Variants in TIMP2 observed in about 807,000 individuals in gnomAD.
The protein encoded by TIMP2 is metalloproteinase inhibitor 2.
TIMP2 carries 5 observed loss-of-function variants against 24.3 expected under a neutral mutation model. The observed-to-expected ratio is 0.21, with a 90% confidence interval of 0.11 to 0.43. The LOEUF (loss-of-function observed/expected upper bound fraction) is 0.43, where lower values mean the gene tolerates loss of function less well. TIMP2 is among the 20% of genes least tolerant of loss of function. The pLI, the probability that TIMP2 is intolerant of heterozygous loss-of-function variation, is 1.00. For missense variants in TIMP2, 221 were observed against 297.5 expected, an observed-to-expected ratio of 0.74 and a Z score of 1.89; for synonymous variants, 130 against 123.2, an observed-to-expected ratio of 1.06 and a Z score of -0.37.
At chr17:78,893,360 CAGGGGTGT>C (rs1320167124) in intron 1 of TIMP2, among the ~76,000 whole-genome samples, 155 of 105,156 alleles carry the variant, frequency 1.5e-3, no homozygotes, top group Middle Eastern at 8.6e-3. Flanking sequence ...GGTGTGTGTG[CAGGGGTGT>C]GTAGGAGTGT....
chr17:78,878,037 G>A (rs538373897), intron 1 of TIMP2, among the ~76,000 whole-genome samples: 3 of 152,194 alleles, frequency 2.0e-5, no homozygotes, highest in East Asian at 1.9e-4. Flanking sequence ...CCACTAAGCC[G>A]CACAATGCTT....
At chr17:78,908,418 T>A (rs2070179869) in intron 1 of TIMP2, among the ~76,000 whole-genome samples, 1 of 152,158 alleles carries the variant, frequency 6.6e-6, no homozygotes, top group African/African-American at 2.4e-5. Context: ...GCCTCTAAAC[T>A]ACTCAAATTA....
chr17:78,900,003 CTCTG>C (rs1281602431), intron 1 of TIMP2: 3 of 152,192 alleles, frequency 2.0e-5, no homozygotes, highest in Non-Finnish European at 2.9e-5. Flanking sequence ...TTAGACATTT[CTCTG>C]TCTAAGGCGC....
chr17:78,891,975 C>G lies in TIMP2; in HGVS notation c.131-18056G>C. 1 of 1,550,662 alleles carries G rather than the reference C, an allele frequency of 6.4e-7. No individual in the cohort carries two copies. The highest frequency in any genetic ancestry group is 8.7e-7 in the Non-Finnish European group (1 of 1,147,006). Reference sequence around the variant, plus strand: ...CCCAACTCTTCCCTGCAACTCCTCTCTTCACTAAGGGCTGCTCTATGCTTC... The same window carrying G: ...CCCAACTCTTCCCTGCAACTCCTCTGTTCACTAAGGGCTGCTCTATGCTTC... On this transcript the variant is annotated intron_variant, in intron 1 of 4. Transcript: ENST00000262768. This position sits in a 1 kb window ranked among gnomAD's most constrained non-coding sequence, Gnocchi z 4.5.
chr17:78,908,969 A>T (rs1467649813), intron 1 of TIMP2, among the ~76,000 whole-genome samples: 1 of 152,160 alleles, frequency 6.6e-6, no homozygotes, highest in African/African-American at 2.4e-5. Flanking sequence ...GGATGAAATG[A>T]GAGGAGCACC....
At chr17:78,885,688 G>A (rs1012944682) in intron 1 of TIMP2, among the ~76,000 whole-genome samples, 98 of 152,326 alleles carry the variant, frequency 6.4e-4, no homozygotes, top group African/African-American at 2.2e-3. Context: ...GGGGTGTGAG[G>A]GGTGTGAGGG....
At chr17:78,902,829 G>A (rs887118842) in intron 1 of TIMP2, 4 of 152,418 alleles carry the variant, frequency 2.6e-5, no homozygotes, top group African/African-American at 9.7e-5. Context: ...AATCCCAGCA[G>A]GTGTTCCTGC....
chr17:78,874,044 G>T, intron 1 of TIMP2, 125 bp from the exon 2 acceptor site: 1 of 764,464 alleles, frequency 1.3e-6, no homozygotes, highest in Non-Finnish European at 2.2e-6. Flanking sequence ...CAAGGTGCGA[G>T]ACGGGCAAGG....
intron 1 of TIMP2, among the ~76,000 whole-genome samples, chr17:78,887,244 C>G (rs1833128671): frequency 6.6e-6 from 1 of 152,182 alleles, no homozygotes; most frequent in Non-Finnish European, 1.5e-5. Context: ...CCACTGAGCA[C>G]CTTGTCCTGC....
chr17:78,858,135 C>T (rs1054129304), intron 3 of TIMP2, among the ~76,000 whole-genome samples: 1 of 151,730 alleles, frequency 6.6e-6, no homozygotes, highest in African/African-American at 2.4e-5. Context: ...GAAACTTAAA[C>T]ATTGGAAACA....
At position 78,855,661 on chromosome 17, in the gene TIMP2, G is replaced by T. The variant is rs767734813; in HGVS notation, c.*6C>A. On this transcript the variant is annotated 3_prime_UTR_variant, in exon 5 of 5. Transcript: ENST00000262768. The surrounding 1 kb of genome is among the most constrained non-coding windows in gnomAD (Gnocchi z 6.0). Reference sequence around the variant, plus strand: ...GCAGTTGGCCACAGGGGCGTTGGAGGCCTGCTTATGGGTCCTCGATGTCGA... The same window carrying T: ...GCAGTTGGCCACAGGGGCGTTGGAGTCCTGCTTATGGGTCCTCGATGTCGA... 2 of 1,613,070 alleles carry T rather than the reference G, an allele frequency of 1.2e-6. No homozygotes were observed. Among genetic ancestry groups the T allele is most frequent in the Admixed American group, 3.3e-5 (2 of 60,020 alleles).
chr17:78,896,236 G>T lies in TIMP2; in HGVS notation c.131-22317C>A, dbSNP rs993036850. 3.9e-4 allele frequency among the ~76,000 whole-genome samples: 59 copies of T among 152,206 alleles called. No homozygotes were observed. The highest frequency in any genetic ancestry group is 1.3e-4 in the Non-Finnish European group (9 of 68,044). On this transcript the variant is annotated intron_variant, in intron 1 of 4. Coordinates refer to ENST00000262768, the MANE Select transcript of TIMP2 (RefSeq NM_003255.5). This position sits in a 1 kb window ranked among gnomAD's most constrained non-coding sequence, Gnocchi z 4.4. The stretch of plus-strand genomic sequence containing the variant: ...AGAGGGCAGGGTCTCACGTGGACTT[G>T]TGCAGGCACTGGCAGGGAAAGCAAC...
intron 3 of TIMP2, among the ~76,000 whole-genome samples, chr17:78,863,246 TA>T (rs918253023): frequency 2.6e-5 from 4 of 152,200 alleles, no homozygotes; most frequent in South Asian, 4.1e-4. Context: ...ATTTTTTATT[TA>T]TTTTTTTTGG....
intron 1 of TIMP2, among the ~76,000 whole-genome samples, chr17:78,879,619 ACT>A (rs1489020629): frequency 6.0e-5 from 9 of 150,644 alleles, no homozygotes; most frequent in African/African-American, 1.7e-4. Flanking sequence ...CTTTATAAAG[ACT>A]CTCGTTCTAA....
chr17:78,891,714 C>T lies in TIMP2; in HGVS notation c.131-17795G>A, dbSNP rs1377694991. ...CCTTTCTCTTTTTCCTCCACAAGCC[C>T]GATTTCTCCCACAGCAGCCACGAGT... On this transcript the variant is annotated intron_variant, in intron 1 of 4. Transcript: ENST00000262768. The surrounding 1 kb of genome is among the most constrained non-coding windows in gnomAD (Gnocchi z 4.5). The T allele has an allele frequency of 3.2e-6, 5 of 1,551,178 alleles. No homozygotes were observed. Among genetic ancestry groups the T allele is most frequent in the East Asian group, 4.9e-5 (2 of 40,916 alleles).
intron 1 of TIMP2, among the ~76,000 whole-genome samples, chr17:78,906,897 CTTA>C (rs1285633354): frequency 6.6e-6 from 1 of 151,526 alleles, no homozygotes; most frequent in Non-Finnish European, 1.5e-5. Flanking sequence ...GGCCCACTTT[CTTA>C]TTATTTGTGT....
intron 1 of TIMP2, among the ~76,000 whole-genome samples, chr17:78,911,576 C>T (rs550085697): frequency 1.3e-5 from 2 of 151,992 alleles, no homozygotes; most frequent in South Asian, 4.2e-4. Context: ...TACAGGTACC[C>T]GCCACCATGC....
chr17:78,907,890 C>G (rs8067003), intron 1 of TIMP2, among the ~76,000 whole-genome samples: 15,607 of 152,188 alleles, frequency 0.1, 907 homozygotes, highest in African/African-American at 0.16. Flanking sequence ...TCCCGGCACT[C>G]TGGGAGGCCG....
intron 1 of TIMP2, among the ~76,000 whole-genome samples, chr17:78,883,674 GGGTGCCCGTCTCCATGGAGACCA>G (rs1347165028): frequency 1.3e-5 from 2 of 152,120 alleles, no homozygotes; most frequent in African/African-American, 4.8e-5. Context: ...GCTGGCCACT[GGGTGCCCGTCTCCATGGAGACCA>G]GCTCTCCCAT....
Sources: allele counts gnomAD v4.1 joint callset (sites outside exome capture counted in the v4.1 genomes callset), GRCh38; gene constraint gnomAD v4.1.1; non-coding constraint Gnocchi (gnomAD v3.1); transcripts MANE v1.5; gene names NCBI Gene and HGNC (gene_info 2026-07-23, HGNC 2026-07-21).